FAM186A: variants seen among roughly 807,000 people sequenced by gnomAD.
The protein encoded by FAM186A is family with sequence similarity 186 member A.
A neutral mutation model predicts 216.8 loss-of-function variants in FAM186A; 163 were observed. That is an observed-to-expected ratio of 0.75 (90% CI 0.66 to 0.86). The LOEUF (loss-of-function observed/expected upper bound fraction) is 0.86, where lower values mean the gene tolerates loss of function less well. Among genes scored for constraint, FAM186A ranks in the 40% least tolerant of loss-of-function variants. FAM186A has a pLI of 0.00. For missense variants in FAM186A, 2,184 were observed against 2,746.2 expected, an observed-to-expected ratio of 0.80 and a Z score of 4.58; for synonymous variants, 805 against 1,025.3, an observed-to-expected ratio of 0.79 and a Z score of 4.10.
chr12:50,333,925 G>A lies in FAM186A; in HGVS notation c.6682C>T (p.His2228Tyr). ...AAGCAGGTTACCTGGTTGAATACGT[G>A]TATCATTTTCTTCAGGCACTGATTC... Reference protein sequence around the residue: ...KRNQCLKKMIHVFNQLKKIHE... With the variant: ...KRNQCLKKMIYVFNQLKKIHE... Residue 2228 changes from histidine to tyrosine, a missense_variant, in exon 5 of 8, where the codon CAC becomes TAC. Physicochemically the swap from His to Tyr is moderately conservative, Grantham distance 83. Coordinates refer to ENST00000327337, the MANE Select transcript of FAM186A (RefSeq NM_001145475.3). 6.4e-7 allele frequency: 1 copy of A among 1,550,842 alleles called. No homozygotes were observed. Among genetic ancestry groups the A allele is most frequent in the African/African-American group, 1.4e-5 (1 of 73,088 alleles).
chr12:50,358,601 C>A (rs7972824), intron 3 of FAM186A, among the ~76,000 whole-genome samples: 99,424 of 151,136 alleles, frequency 0.66, 33,006 homozygotes, highest in Admixed American at 0.74. Context: ...CAAAACAAAA[C>A]AAAAACCTAT....
intron 1 of FAM186A, among the ~76,000 whole-genome samples, chr12:50,379,953 G>C (rs557360309): frequency 8.6e-4 from 45 of 52,186 alleles, no homozygotes; most frequent in African/African-American, 2.4e-3. Context: ...GGGTGTATGT[G>C]GGGAAAAGGT....
chr12:50,343,431 G>A lies in FAM186A; in HGVS notation c.6503+6898C>T, dbSNP rs979766288. 7.2e-5 allele frequency among the ~76,000 whole-genome samples: 11 copies of A among 152,050 alleles called. 1 individual carries two copies. Among genetic ancestry groups the A allele is most frequent in the Non-Finnish European group, 1.3e-4 (9 of 67,998 alleles). On this transcript the variant is annotated intron_variant, in intron 4 of 7. Coordinates refer to ENST00000327337, the MANE Select transcript of FAM186A (RefSeq NM_001145475.3). ...TCAGGGTTTTTTTATTGTTGTTGCT[G>A]TTGTTGCTGTTTTCTGAGACAGAGT... is the stretch of plus-strand genomic sequence containing the variant.
intron 1 of FAM186A, among the ~76,000 whole-genome samples, chr12:50,376,190 CG>C (rs1265395491): frequency 6.6e-6 from 1 of 152,176 alleles, no homozygotes; most frequent in Non-Finnish European, 1.5e-5. Context: ...TTCACTCACA[CG>C]GTCCGGGGGC....
Position 50,350,343 on chromosome 12 carries a change from C to T in FAM186A, c.6489G>A (p.Leu2163=). 6.5e-7 allele frequency: 1 copy of T among 1,536,358 alleles called. No individual in the cohort carries two copies. Among genetic ancestry groups the T allele is most frequent in the Non-Finnish European group, 8.8e-7 (1 of 1,139,798 alleles). ...YLFRKYIAYR[L]IQHARNNIMK... ...ATTATATCTACCTGGCATGCTGGAT[C>T]AGCCTATAGGCAATGTACTTGCGGA... is the stretch of plus-strand genomic sequence containing the variant. The change falls in exon 4 of 8, where the codon CTG becomes CTA. Residue 2163 remains leucine (L), a synonymous_variant. Transcript: ENST00000327337.
chr12:50,383,249 T>TAAAAA (rs1167515309), intron 1 of FAM186A, among the ~76,000 whole-genome samples: 4 of 10,360 alleles, frequency 3.9e-4, no homozygotes, highest in African/African-American at 5.6e-4. Flanking sequence ...AGACTCCGTC[T>TAAAAA]AAAAAAAAAA....
intron 1 of FAM186A, among the ~76,000 whole-genome samples, chr12:50,369,988 G>A (rs1592623920): frequency 6.6e-6 from 1 of 151,918 alleles, no homozygotes. Flanking sequence ...GCCGGGCGTG[G>A]TGGTGGGCGC....
At chr12:50,341,059 A>C (rs1052209688) in intron 4 of FAM186A, among the ~76,000 whole-genome samples, 6 of 152,128 alleles carry the variant, frequency 3.9e-5, no homozygotes, top group African/African-American at 1.4e-4. Flanking sequence ...GGCCTCCCAA[A>C]GTGCTGGGAT....
chr12:50,355,757 G>C lies in FAM186A; in HGVS notation c.1075C>G (p.Gln359Glu). ...TLKVLPGPSPQSSRAIIKVGD... is the reference protein window; with the variant it reads ...TLKVLPGPSPESSRAIIKVGD... Reference sequence around the variant, plus strand: ...ACTTTGATTATCGCCCTGGATGACTGTGGAGAAGGTCCAGGTAACACTTTC... The same window carrying C: ...ACTTTGATTATCGCCCTGGATGACTCTGGAGAAGGTCCAGGTAACACTTTC... Residue 359 changes from glutamine (Q) to glutamate (E), a missense_variant, in exon 4 of 8, where the codon CAG becomes GAG. Around this residue, in one of 7 missense-constraint regions of FAM186A, gnomAD observed 1,132 missense variants for 1,263.4 expected, o/e 0.90. Coordinates refer to ENST00000327337, the MANE Select transcript of FAM186A (RefSeq NM_001145475.3). 1.3e-6 allele frequency: 2 copies of C among 1,551,678 alleles called. No homozygotes were observed. Among genetic ancestry groups the C allele is most frequent in the South Asian group, 2.4e-5 (2 of 84,056 alleles).
Position 50,360,869 on chromosome 12 carries a change from G to T in FAM186A, c.470C>A (p.Ala157Glu). 6.4e-7 allele frequency: 1 copy of T among 1,551,170 alleles called. No individual in the cohort carries two copies. The highest frequency in any genetic ancestry group is 8.7e-7 in the Non-Finnish European group (1 of 1,146,800). ...MDVDEHHHWI[A>E]QMELLPDTLK... ...CGTGTCCGGTAACAACTCCATTTGT[G>T]CTATCCAGTGGTGGTGTTCATCAAC... is the stretch of plus-strand genomic sequence containing the variant. The change falls in exon 3 of 8, where the codon GCA (alanine) becomes GAA (glutamate). Residue 157 changes from alanine to glutamate, a missense_variant. Transcript: ENST00000327337.
rs372029713 is a variant in FAM186A, at chr12:50,374,891, A to G, written c.193-11527T>C. On this transcript the variant is annotated intron_variant, in intron 1 of 7. Transcript: ENST00000327337. The stretch of plus-strand genomic sequence containing the variant: ...TGTAAAAACTCCCAAAGAATTTACC[A>G]AAGAGGCCAGGAGCAGTGTCTCACA... Among the ~76,000 whole-genome samples, 5 of 152,204 alleles carry G rather than the reference A, an allele frequency of 3.3e-5. No individual in the cohort carries two copies. The East Asian group carries it at 7.7e-4, about 23-fold the overall frequency.
intron 1 of FAM186A, among the ~76,000 whole-genome samples, chr12:50,375,041 G>A (rs151144724): frequency 4.7e-4 from 71 of 152,144 alleles, no homozygotes; most frequent in African/African-American, 1.7e-3. Context: ...AGCCGGGCGT[G>A]GTGGCATGTG....
At chr12:50,383,278 A>AAAAGAGAG (rs1555218962) in intron 1 of FAM186A, among the ~76,000 whole-genome samples, 1 of 49,168 alleles carries the variant, frequency 2.0e-5, no homozygotes, top group Non-Finnish European at 4.4e-5. Flanking sequence ...AAAAAAAAAA[A>AAAAGAGAG]AGAGAGAGAG....
intron 1 of FAM186A, among the ~76,000 whole-genome samples, chr12:50,391,685 A>G (rs1592638736): frequency 6.6e-6 from 1 of 152,096 alleles, no homozygotes; most frequent in East Asian, 1.9e-4. Flanking sequence ...ATCTTGGCTC[A>G]CTGCAGCCTC....
At chr12:50,374,354 TA>T (rs993955457) in intron 1 of FAM186A, among the ~76,000 whole-genome samples, 29 of 145,864 alleles carry the variant, frequency 2.0e-4, no homozygotes, top group South Asian at 4.4e-4. Context: ...TTATAGAAAT[TA>T]AAAAAAAAAG....
At chr12:50,380,009 A>T (rs1183199348) in intron 1 of FAM186A, among the ~76,000 whole-genome samples, 1 of 152,182 alleles carries the variant, frequency 6.6e-6, no homozygotes, top group African/African-American at 2.4e-5. Flanking sequence ...ATAAGAAAGG[A>T]GTGACATTTT....
chr12:50,368,640 TTTTTC>T (rs756944758), intron 1 of FAM186A, among the ~76,000 whole-genome samples: 9 of 152,074 alleles, frequency 5.9e-5, no homozygotes, highest in Non-Finnish European at 1.2e-4. Context: ...CAATGGCTTT[TTTTTC>T]TTTTGCAGCA....
chr12:50,379,243 C>T (rs1362793272), intron 1 of FAM186A, among the ~76,000 whole-genome samples: 2 of 151,720 alleles, frequency 1.3e-5, no homozygotes, highest in South Asian at 4.2e-4. Flanking sequence ...GATCGAGACC[C>T]TCCTACCTAA....
chr12:50,372,999 GAAA>G (rs1565892930), intron 1 of FAM186A, among the ~76,000 whole-genome samples: 10,735 of 69,456 alleles, frequency 0.15, 1,759 homozygotes, highest in Non-Finnish European at 0.18. Flanking sequence ...AGGAAGGAAT[GAAA>G]GAAAGAAAGA....
Sources: allele counts gnomAD v4.1 joint callset (sites outside exome capture counted in the v4.1 genomes callset), GRCh38; gene constraint gnomAD v4.1.1; regional missense constraint gnomAD v4.1.1; transcripts MANE v1.5; gene names NCBI Gene and HGNC (gene_info 2026-07-23, HGNC 2026-07-21).